Variants in PKDCC observed in about 807,000 individuals in gnomAD.
The protein encoded by PKDCC is extracellular tyrosine-protein kinase PKDCC.
Under a neutral mutation model 44.7 loss-of-function variants are expected in PKDCC, and 35 were observed. The ratio of observed to expected loss-of-function variants is 0.78; its 90% CI spans 0.60 to 1.04. The LOEUF is 1.04. Among genes scored for constraint, PKDCC ranks in the 50% least tolerant of loss-of-function variants. The pLI, the probability that PKDCC is intolerant of heterozygous loss-of-function variation, is 0.00. For missense variants in PKDCC, 738 were observed against 672.7 expected (o/e 1.10, Z -1.07); for synonymous variants, 353 against 303.3 (o/e 1.16, Z -1.70).
chr2:42,054,132 G>T lies in PKDCC; in HGVS notation c.859G>T (p.Val287Leu). ...CTTCCGCCCTCGGCAGTTTGTGCTG[G>T]TGGATGGGGAGCTCAAAGTGACGGA... is the stretch of plus-strand genomic sequence containing the variant. ...LDFRPRQFVL[V>L]DGELKVTDLD... The change falls in exon 3 of 7, where the codon GTG becomes TTG. Residue 287 changes from valine (V) to leucine (L), a missense_variant. Coordinates refer to ENST00000294964, the MANE Select transcript of PKDCC (RefSeq NM_138370.3). This position sits in a 1 kb window ranked among gnomAD's most constrained non-coding sequence, Gnocchi z 6.1. The T allele has an allele frequency of 6.2e-7, 1 of 1,613,430 alleles. No homozygotes were observed.
intron 6 of PKDCC, 54 bp from the exon 7 acceptor site, chr2:42,057,549 T>A (rs1359122919): frequency 1.1e-5 from 17 of 1,588,638 alleles, no homozygotes; most frequent in Non-Finnish European, 1.5e-5. Flanking sequence ...AGAATGGTCT[T>A]GCCTCCAGAA....
Position 42,054,079 on chromosome 2 carries a change from C to T in PKDCC, c.806C>T (p.Ser269Phe). 1.2e-6 allele frequency: 2 copies of T among 1,612,452 alleles called. No homozygotes were observed. The highest frequency in any genetic ancestry group is 1.7e-6 in the Non-Finnish European group (2 of 1,179,876). The change falls in exon 3 of 7, where the codon TCC (serine) becomes TTC (phenylalanine). Residue 269 changes from serine to phenylalanine, a missense_variant. Transcript: ENST00000294964. The surrounding 1 kb of genome is among the most constrained non-coding windows in gnomAD (Gnocchi z 6.1). ...LGRLLHHLAH[S>F]PLGSVTLLDF... The stretch of plus-strand genomic sequence containing the variant: ...CGCCTCCTCCACCACCTGGCCCACT[C>T]CCCACTGGGCTCCGTCACTCTGCTG...
chr2:42,053,337 A>C lies in PKDCC; in HGVS notation c.738A>C (p.Gln246His), dbSNP rs143773696. 5.6e-6 allele frequency: 9 copies of C among 1,613,658 alleles called. No individual in the cohort carries two copies. The highest frequency in any genetic ancestry group is 7.6e-6 in the Non-Finnish European group (9 of 1,179,748). Reference sequence around the variant, plus strand: ...CTGTAGAAATGATCCAGCTGCTGCAAACTTCCTGGGAGGATCGATTCCGAG... The same window carrying C: ...CTGTAGAAATGATCCAGCTGCTGCACACTTCCTGGGAGGATCGATTCCGAG... Reference protein sequence around the residue: ...GAPVEMIQLLQTSWEDRFRIC... With the variant: ...GAPVEMIQLLHTSWEDRFRIC... Residue 246 changes from glutamine to histidine, a missense_variant, in exon 2 of 7, where the codon CAA (glutamine) becomes CAC (histidine). Coordinates refer to ENST00000294964, the MANE Select transcript of PKDCC (RefSeq NM_138370.3).
rs764592115 is a variant in PKDCC, at chr2:42,055,333, G to A, written c.1162G>A (p.Val388Met). The change falls in exon 5 of 7, where the codon GTG becomes ATG. Residue 388 changes from valine to methionine, a missense_variant. Coordinates refer to ENST00000294964, the MANE Select transcript of PKDCC (RefSeq NM_138370.3). The surrounding 1 kb of genome is among the most constrained non-coding windows in gnomAD (Gnocchi z 4.5). ...CGAGACCCTGGCCCAGCTGGAGAAG[G>A]TGCTGCACCTGTACCGGAGCGGGCA... ...VDETLAQLEKVLHLYRSGQYL... is the reference protein window; with the variant it reads ...VDETLAQLEKMLHLYRSGQYL... 6.2e-7 allele frequency: 1 copy of A among 1,613,762 alleles called. No homozygotes were observed. The highest frequency in any genetic ancestry group is 8.5e-7 in the Non-Finnish European group (1 of 1,180,012).
chr2:42,055,384 A>T lies in PKDCC; in HGVS notation c.1213A>T (p.Ser405Cys), dbSNP rs776650479. 1 of 1,613,440 alleles carries T rather than the reference A, an allele frequency of 6.2e-7. No homozygotes were observed. The highest frequency in any genetic ancestry group is 2.2e-5 in the East Asian group (1 of 44,876). The change falls in exon 5 of 7, where the codon AGC (serine) becomes TGC (cysteine). Residue 405 changes from serine to cysteine, a missense_variant. Coordinates refer to ENST00000294964, the MANE Select transcript of PKDCC (RefSeq NM_138370.3). This position sits in a 1 kb window ranked among gnomAD's most constrained non-coding sequence, Gnocchi z 4.5. Reference protein sequence around the residue: ...GQYLQNSTASSSTEYQCIPDS... With the variant: ...GQYLQNSTASCSTEYQCIPDS... ...GTATCTGCAGAACTCCACGGCAAGC[A>T]GCAGTACCGGTGAGTGGCCCCAAGC...
chr2:42,054,627 C>T lies in PKDCC; in HGVS notation c.1035-314C>T, dbSNP rs923327631. 1.1e-5 allele frequency: 6 copies of T among 539,232 alleles called. No homozygotes were observed. Among genetic ancestry groups the T allele is most frequent in the African/African-American group, 7.6e-5 (4 of 52,886 alleles). The allele number at this position is 539,232 out of a possible 1,614,324, so 33.4% of individuals were successfully genotyped here. On this transcript the variant is annotated intron_variant, in intron 3 of 6. Coordinates refer to ENST00000294964, the MANE Select transcript of PKDCC (RefSeq NM_138370.3). The surrounding 1 kb of genome is among the most constrained non-coding windows in gnomAD (Gnocchi z 6.1). ...CCCTTGTGCTCTGGGAAATTCCTCA[C>T]TGGGCCCCAGCCATGGGGCTGCTCC...
Position 42,048,989 on chromosome 2 carries a change from T to A in PKDCC, c.639+151T>A. 5 of 1,247,704 alleles carry A rather than the reference T, an allele frequency of 4.0e-6. No individual in the cohort carries two copies. Among genetic ancestry groups the A allele is most frequent in the Non-Finnish European group, 5.1e-6 (5 of 971,012 alleles). 77.3% of individuals were successfully genotyped at this position (1,247,704 alleles called of 1,614,324 possible). A position where few individuals can be genotyped will look rare whatever the true frequency, so the allele number is the denominator to read the frequency against. The stretch of plus-strand genomic sequence containing the variant: ...GAAACCGGACCATGGCCCTTCCCAC[T>A]GCACCACCCTGCTTCTCACTCCTGG... On this transcript the variant is annotated intron_variant, in intron 1 of 6. Coordinates refer to ENST00000294964, the MANE Select transcript of PKDCC (RefSeq NM_138370.3). The surrounding 1 kb of genome is among the most constrained non-coding windows in gnomAD (Gnocchi z 6.2).
At position 42,052,739 on chromosome 2, in the gene PKDCC, C is replaced by CAA. The variant is rs567556529; in HGVS notation, c.640-488_640-487dup. Among the ~76,000 whole-genome samples the CAA allele has an allele frequency of 3.2e-4, 37 of 115,374 alleles. No homozygotes were observed. Among genetic ancestry groups the CAA allele is most frequent in the African/African-American group, 9.7e-4 (31 of 31,854 alleles). The allele number at this position is 115,374 out of a possible 152,430, so 75.7% of individuals were successfully genotyped here. ...CCTGGGCAACAGAGCGAGGCTGTCT[C>CAA]AAAAAAAAAAAAAGAAAAGAAAAGA... On this transcript the variant is annotated intron_variant, in intron 1 of 6. Coordinates refer to ENST00000294964, the MANE Select transcript of PKDCC (RefSeq NM_138370.3). This position sits in a 1 kb window ranked among gnomAD's most constrained non-coding sequence, Gnocchi z 4.3.
chr2:42,057,095 GC>G, intron 5 of PKDCC, 125 bp from the exon 6 acceptor site: 1 of 1,071,376 alleles, frequency 9.3e-7, no homozygotes, highest in South Asian at 1.5e-5. Context: ...GTGCTAGAGG[GC>G]TGGGCTGGAC....
In PKDCC at chr2:42,052,065, A is replaced by G. The variant is rs1343173261; in HGVS notation, c.640-1174A>G. The stretch of plus-strand genomic sequence containing the variant: ...AGGGGGATGCCTGTGGGTGCTGTTA[A>G]GGTGGTAGTGACACTCAGGCTTTGC... On this transcript the variant is annotated intron_variant, in intron 1 of 6. Coordinates refer to ENST00000294964, the MANE Select transcript of PKDCC (RefSeq NM_138370.3). This position sits in a 1 kb window ranked among gnomAD's most constrained non-coding sequence, Gnocchi z 4.3. 1.3e-5 allele frequency among the ~76,000 whole-genome samples: 2 copies of G among 152,070 alleles called. No individual in the cohort carries two copies. Among genetic ancestry groups the G allele is most frequent in the Non-Finnish European group, 2.9e-5 (2 of 68,006 alleles).
Position 42,048,909 on chromosome 2 carries a change from A to G in PKDCC, c.639+71A>G. On this transcript the variant is annotated intron_variant, in intron 1 of 6. Coordinates refer to ENST00000294964, the MANE Select transcript of PKDCC (RefSeq NM_138370.3). The surrounding 1 kb of genome is among the most constrained non-coding windows in gnomAD (Gnocchi z 6.2). ...CCAAGACCTTGTCAACCTGGCTGGA[A>G]GAGAACCCCTTGATCTGGAGTGCCA... The G allele has an allele frequency of 7.3e-7, 1 of 1,369,188 alleles. No homozygotes were observed. The highest frequency in any genetic ancestry group is 9.5e-7 in the Non-Finnish European group (1 of 1,056,442). The allele number at this position is 1,369,188 out of a possible 1,614,324, so 84.8% of individuals were successfully genotyped here.
In PKDCC at chr2:42,055,092, A is replaced by T; in HGVS notation, c.1114+72A>T. 6.6e-7 allele frequency: 1 copy of T among 1,510,026 alleles called. No individual in the cohort carries two copies. The highest frequency in any genetic ancestry group is 1.1e-5 in the South Asian group (1 of 88,474). The allele number at this position is 1,510,026 out of a possible 1,614,324, so 93.5% of individuals were successfully genotyped here. On this transcript the variant is annotated intron_variant, in intron 4 of 6. Transcript: ENST00000294964. This position sits in a 1 kb window ranked among gnomAD's most constrained non-coding sequence, Gnocchi z 4.5. Reference sequence around the variant, plus strand: ...CACCCGCCAGCAAAAGTGGGGAGAAAAATAACCCAGGGCAGCAGGGGTTCT... The same window carrying T: ...CACCCGCCAGCAAAAGTGGGGAGAATAATAACCCAGGGCAGCAGGGGTTCT...
Position 42,054,725 on chromosome 2 carries a change from G to T in PKDCC, c.1035-216G>T. On this transcript the variant is annotated intron_variant, in intron 3 of 6. Transcript: ENST00000294964. The surrounding 1 kb of genome is among the most constrained non-coding windows in gnomAD (Gnocchi z 6.1). ...AGTCCTGGGAAGGGTTGGGAAGCAG[G>T]CCCCTGGTTTCGGTTAGTATGAAGT... 1 of 606,758 alleles carries T rather than the reference G, an allele frequency of 1.6e-6. No homozygotes were observed. Among genetic ancestry groups the T allele is most frequent in the South Asian group, 2.0e-5 (1 of 49,334 alleles). The allele number at this position is 606,758 out of a possible 1,614,324, so 37.6% of individuals were successfully genotyped here. A position where few individuals can be genotyped will look rare whatever the true frequency, so the allele number is the denominator to read the frequency against.
At chr2:42,049,393 C>T (rs1667930997) in intron 1 of PKDCC, among the ~76,000 whole-genome samples, 1 of 152,078 alleles carries the variant, frequency 6.6e-6, no homozygotes, top group Non-Finnish European at 1.5e-5. Context: ...CCTCCAGCGC[C>T]ACCCAGAAGA....
In PKDCC at chr2:42,054,878, A is replaced by G. The variant is rs1051094114; in HGVS notation, c.1035-63A>G. The G allele has an allele frequency of 2.0e-6, 3 of 1,473,440 alleles. No homozygotes were observed. Among genetic ancestry groups the G allele is most frequent in the Admixed American group, 3.3e-5 (2 of 59,778 alleles). The allele number at this position is 1,473,440 out of a possible 1,614,324, so 91.3% of individuals were successfully genotyped here. A position where few individuals can be genotyped will look rare whatever the true frequency, so the allele number is the denominator to read the frequency against. On this transcript the variant is annotated intron_variant, in intron 3 of 6. Coordinates refer to ENST00000294964, the MANE Select transcript of PKDCC (RefSeq NM_138370.3). This position sits in a 1 kb window ranked among gnomAD's most constrained non-coding sequence, Gnocchi z 6.1. ...AGGTTAGCGTTCTGCCCCAGGTTGGAATAGAGGAAGGATGTGTCTCCAAAG... is the reference window on the plus strand; with the variant it reads ...AGGTTAGCGTTCTGCCCCAGGTTGGGATAGAGGAAGGATGTGTCTCCAAAG...
intron 1 of PKDCC, among the ~76,000 whole-genome samples, 189 bp downstream of exon 1, chr2:42,049,027 T>G (rs1437213386): frequency 6.6e-6 from 1 of 152,068 alleles, no homozygotes; most frequent in Non-Finnish European, 1.5e-5. Context: ...GGGCGTCCCT[T>G]TACCGGAGAA....
Position 42,055,322 on chromosome 2 carries a change from A to G in PKDCC, c.1151A>G (p.Gln384Arg). The G allele has an allele frequency of 6.2e-7, 1 of 1,613,716 alleles. No individual in the cohort carries two copies. The highest frequency in any genetic ancestry group is 8.5e-7 in the Non-Finnish European group (1 of 1,180,002). The change falls in exon 5 of 7, where the codon CAG (glutamine) becomes CGG (arginine). Residue 384 changes from glutamine (Q) to arginine (R), a missense_variant. Gln to Arg is a conservative substitution (Grantham distance 43). Transcript: ENST00000294964. The surrounding 1 kb of genome is among the most constrained non-coding windows in gnomAD (Gnocchi z 4.5). ...LAWGVDETLA[Q>R]LEKVLHLYRS... Reference sequence around the variant, plus strand: ...TGGGGGGTGGACGAGACCCTGGCCCAGCTGGAGAAGGTGCTGCACCTGTAC... The same window carrying G: ...TGGGGGGTGGACGAGACCCTGGCCCGGCTGGAGAAGGTGCTGCACCTGTAC...
chr2:42,054,081 C>A lies in PKDCC; in HGVS notation c.808C>A (p.Pro270Thr), dbSNP rs144539581. 6.8e-5 allele frequency: 110 copies of A among 1,612,356 alleles called. No individual in the cohort carries two copies. Among genetic ancestry groups the A allele is most frequent in the Non-Finnish European group, 8.6e-5 (102 of 1,179,888 alleles). Residue 270 changes from proline (P) to threonine (T), a missense_variant, in exon 3 of 7, where the codon CCA becomes ACA. Transcript: ENST00000294964. The surrounding 1 kb of genome is among the most constrained non-coding windows in gnomAD (Gnocchi z 6.1). ...CCTCCTCCACCACCTGGCCCACTCC[C>A]CACTGGGCTCCGTCACTCTGCTGGA... ...GRLLHHLAHS[P>T]LGSVTLLDFR...
Position 42,053,228 on chromosome 2 carries a change from G to C in PKDCC, c.640-11G>C. ...CCTGTGACCTAATGACCTGCCCTCG[G>C]CTTTCCCCAGCTCTATGGCTACTGC... On this transcript the variant is annotated splice_polypyrimidine_tract_variant and intron_variant, in intron 1 of 6. Transcript: ENST00000294964. 1.3e-6 allele frequency: 2 copies of C among 1,592,202 alleles called. No individual in the cohort carries two copies. Among genetic ancestry groups the C allele is most frequent in the Non-Finnish European group, 1.7e-6 (2 of 1,167,884 alleles).
Sources: allele counts gnomAD v4.1 joint callset (sites outside exome capture counted in the v4.1 genomes callset), GRCh38; gene constraint gnomAD v4.1.1; non-coding constraint Gnocchi (gnomAD v3.1); transcripts MANE v1.5; gene names NCBI Gene and HGNC (gene_info 2026-07-23, HGNC 2026-07-21).